Variants in CALD1 observed in about 807,000 individuals in gnomAD.
CALD1 encodes the protein caldesmon.
CALD1 carries 33 observed loss-of-function variants against 99.9 expected under a neutral mutation model. That is an observed-to-expected ratio of 0.33 (90% CI 0.25 to 0.44). The LOEUF (loss-of-function observed/expected upper bound fraction) is 0.44. CALD1 is among the 20% of genes least tolerant of loss of function. The pLI, the probability that CALD1 is intolerant of heterozygous loss-of-function variation, is 1.00. For missense variants in CALD1, 861 were observed against 962.1 expected, an observed-to-expected ratio of 0.89 and a Z score of 1.39; for synonymous variants, 310 against 325.0, an observed-to-expected ratio of 0.95 and a Z score of 0.50.
intron 1 of CALD1, among the ~76,000 whole-genome samples, chr7:134,817,776 A>G (rs1798615477): frequency 6.6e-6 from 1 of 152,206 alleles, no homozygotes; most frequent in South Asian, 2.1e-4. Flanking sequence ...TGAAGTAGTA[A>G]TTATCTTACT....
intron 4 of CALD1, among the ~76,000 whole-genome samples, chr7:134,932,237 C>A (rs1312654305): frequency 1.3e-5 from 2 of 152,172 alleles, no homozygotes; most frequent in East Asian, 3.8e-4. Flanking sequence ...GAAGGAGGAG[C>A]AGGAATTGTA....
At chr7:134,855,227 C>A (rs964758785) in intron 2 of CALD1, among the ~76,000 whole-genome samples, 2 of 152,244 alleles carry the variant, frequency 1.3e-5, no homozygotes, top group Non-Finnish European at 2.9e-5. Context: ...TGGTGCTCAA[C>A]AGACCTATGG....
At chr7:134,866,976 G>A (rs1046193494) in intron 2 of CALD1, 5 of 152,146 alleles carry the variant, frequency 3.3e-5, no homozygotes, top group African/African-American at 9.7e-5. Context: ...CAGGGGAAAC[G>A]GGCTCCTCAT....
chr7:134,870,238 G>C (rs531812596), intron 3 of CALD1, among the ~76,000 whole-genome samples: 1 of 152,190 alleles, frequency 6.6e-6, no homozygotes, highest in South Asian at 2.1e-4. Context: ...GGGCAGACCT[G>C]ATAGAGTTGT....
At chr7:134,833,907 T>C (rs181408307) in intron 1 of CALD1, among the ~76,000 whole-genome samples, 7 of 152,026 alleles carry the variant, frequency 4.6e-5, no homozygotes, top group African/African-American at 1.4e-4. Context: ...CTCAAACTTT[T>C]CCCCCATATG....
At chr7:134,779,630 G>A (rs1451524943), upstream of CALD1, 6 of 398,678 alleles carry the variant, frequency 1.5e-5, no homozygotes, top group Non-Finnish European at 2.7e-5. Context: ...TTATTGAATA[G>A]AGCAGTGTGT....
intron 3 of CALD1, among the ~76,000 whole-genome samples, chr7:134,879,056 G>A (rs565184478): frequency 6.6e-6 from 1 of 152,332 alleles, no homozygotes; most frequent in African/African-American, 2.4e-5. Context: ...TCATTGGCCA[G>A]CAGGAGTGAC....
intron 2 of CALD1, among the ~76,000 whole-genome samples, chr7:134,857,299 A>C (rs1800354612): frequency 6.6e-6 from 1 of 150,840 alleles, no homozygotes; most frequent in African/African-American, 2.4e-5. Flanking sequence ...CTCTCCGAGT[A>C]GCTGGGACTA....
chr7:134,828,668 G>C (rs563755452), intron 1 of CALD1, among the ~76,000 whole-genome samples: 1 of 152,064 alleles, frequency 6.6e-6, no homozygotes, highest in Non-Finnish European at 1.5e-5. Flanking sequence ...TATATCATAG[G>C]ATTCTTAGGA....
intron 1 of CALD1, among the ~76,000 whole-genome samples, chr7:134,839,131 C>T (rs1332278558): frequency 6.6e-6 from 1 of 152,172 alleles, no homozygotes; most frequent in Non-Finnish European, 1.5e-5. Context: ...ATTCTGATTT[C>T]TAACATGAAG....
chr7:134,753,600 G>A (rs1158307894), intron 1 of CALD1, among the ~76,000 whole-genome samples: 1 of 152,170 alleles, frequency 6.6e-6, no homozygotes, highest in Non-Finnish European at 1.5e-5. Flanking sequence ...ACTGGTCTAG[G>A]CCAACTGCCC....
At chr7:134,715,752 AG>A in the CALD1 span, among the ~76,000 whole-genome samples, 1 of 152,224 alleles carries the variant, frequency 6.6e-6, no homozygotes, top group African/African-American at 2.4e-5. Flanking sequence ...AAAAATGACA[AG>A]TCTGACCAGG....
chr7:134,958,937 T>C (rs1808035418), intron 11 of CALD1, among the ~76,000 whole-genome samples: 1 of 144,508 alleles, frequency 6.9e-6, no homozygotes, highest in Admixed American at 7.0e-5. Context: ...TTAAGTCTTC[T>C]TTCAAGTATT....
At chr7:134,937,217 T>C (rs1024275075) in intron 6 of CALD1, among the ~76,000 whole-genome samples, 3 of 152,218 alleles carry the variant, frequency 2.0e-5, no homozygotes, top group South Asian at 4.1e-4. Context: ...TCTATACCTA[T>C]GTAGAGTGTC....
chr7:134,823,125 G>A (rs749756886), intron 1 of CALD1, among the ~76,000 whole-genome samples: 14 of 152,064 alleles, frequency 9.2e-5, no homozygotes, highest in African/African-American at 3.4e-4. Flanking sequence ...CTATATGTAC[G>A]TACATATCAT....
At position 134,960,526 on chromosome 7, in the gene CALD1, T is replaced by A; in HGVS notation, c.2200-7T>A. 1.3e-6 allele frequency: 2 copies of A among 1,588,320 alleles called. No homozygotes were observed. The highest frequency in any genetic ancestry group is 1.7e-6 in the Non-Finnish European group (2 of 1,157,184). ...CTTTAATATTTTGGATGATTGCCCC[T>A]TTGTAGGAAACTGCTGGCTTGAAGG... On this transcript the variant is annotated splice_region_variant and splice_polypyrimidine_tract_variant and intron_variant, in intron 12 of 14. Coordinates refer to ENST00000361675, the MANE Select transcript of CALD1 (RefSeq NM_033138.4).
chr7:134,961,304 G>T (rs922354842), intron 13 of CALD1: 2 of 152,116 alleles, frequency 1.3e-5, no homozygotes, highest in Non-Finnish European at 2.9e-5. Flanking sequence ...GCTTGCATTT[G>T]TCATTATAAT....
At chr7:134,940,872 C>G (rs773373931) in intron 6 of CALD1, among the ~76,000 whole-genome samples, 3 of 152,202 alleles carry the variant, frequency 2.0e-5, no homozygotes, top group Admixed American at 2.0e-4. Context: ...CAGGGATGAT[C>G]TTACCTTCTT....
At chr7:134,799,116 T>C (rs1209521171) in intron 1 of CALD1, among the ~76,000 whole-genome samples, 1 of 152,210 alleles carries the variant, frequency 6.6e-6, no homozygotes, top group Non-Finnish European at 1.5e-5. Flanking sequence ...TAAAGTTCAT[T>C]TTAAGTAGAG....
Sources: allele counts gnomAD v4.1 joint callset (sites outside exome capture counted in the v4.1 genomes callset), GRCh38; gene constraint gnomAD v4.1.1; transcripts MANE v1.5; gene names NCBI Gene and HGNC (gene_info 2026-07-23, HGNC 2026-07-21).